Variants in AKT3 observed in about 807,000 individuals in gnomAD.
AKT3 encodes the protein AKT serine/threonine kinase 3.
A neutral mutation model predicts 65.3 loss-of-function variants in AKT3; 15 were observed. The observed-to-expected ratio is 0.23, with a 90% CI of 0.15 to 0.35. The LOEUF (loss-of-function observed/expected upper bound fraction) is 0.35. Ranked by LOEUF, AKT3 falls within the 10% of genes least tolerant of loss-of-function variation. The pLI, the probability that AKT3 is intolerant of heterozygous loss-of-function variation, is 1.00. For missense variants in AKT3, 243 were observed against 576.5 expected, an observed-to-expected ratio of 0.42 and a Z score of 5.92; for synonymous variants, 206 against 183.8, an observed-to-expected ratio of 1.12 and a Z score of -0.98.
chr1:243,551,962 C>G (rs944583325), intron 11 of AKT3, among the ~76,000 whole-genome samples: 4 of 152,070 alleles, frequency 2.6e-5, no homozygotes, highest in African/African-American at 9.7e-5. Flanking sequence ...ACTCTTTCAG[C>G]TATGCATAGA....
Position 243,655,378 on chromosome 1 carries a change from A to T in AKT3, c.285-9341T>A, listed in dbSNP as rs147643009. ...CCCTCTGTAGAATCAAACAATTTTA[A>T]CATACTTGAACATACTAATTAATGT... On this transcript the variant is annotated intron_variant, in intron 4 of 13. Coordinates refer to ENST00000673466, the MANE Select transcript of AKT3 (RefSeq NM_005465.7). Among the ~76,000 whole-genome samples the T allele has an allele frequency of 3.7e-4, 57 of 152,278 alleles. No homozygotes were observed. In the East Asian group the frequency reaches 6.9e-3, roughly 19 times the overall value.
intron 12 of AKT3, among the ~76,000 whole-genome samples, chr1:243,528,398 G>A (rs1671300647): frequency 6.6e-6 from 1 of 152,062 alleles, no homozygotes; most frequent in African/African-American, 2.4e-5. Context: ...GGGGGGGTTT[G>A]GTGTACATGT....
At chr1:243,728,346 G>A (rs909163379) in intron 2 of AKT3, among the ~76,000 whole-genome samples, 2 of 152,020 alleles carry the variant, frequency 1.3e-5, no homozygotes, top group Non-Finnish European at 2.9e-5. Flanking sequence ...CCAAGAAACC[G>A]CCAAAGTTCT....
downstream of AKT3, among the ~76,000 whole-genome samples, chr1:243,499,216 A>G (rs12132661): frequency 0.11 from 17,095 of 152,228 alleles, 1,300 homozygotes; most frequent in Non-Finnish European, 0.17. Flanking sequence ...AGTACACCCA[A>G]TCCCCTCTTC....
At chr1:243,699,512 T>TATATATAA (rs1253293936) in intron 2 of AKT3, among the ~76,000 whole-genome samples, 4 of 126,600 alleles carry the variant, frequency 3.2e-5, no homozygotes, top group African/African-American at 1.3e-4. Context: ...TATATATATA[T>TATATATAA]AATCTTCATG....
At chr1:243,544,024 C>G (rs547992536) in intron 12 of AKT3, among the ~76,000 whole-genome samples, 23 of 151,968 alleles carry the variant, frequency 1.5e-4, no homozygotes, top group Non-Finnish European at 2.4e-4. Flanking sequence ...GAACACTTGG[C>G]ACATAACAGA....
chr1:243,719,055 T>A (rs1182961336), intron 2 of AKT3, among the ~76,000 whole-genome samples: 5 of 152,264 alleles, frequency 3.3e-5, no homozygotes, highest in African/African-American at 1.2e-4. Context: ...TGAATCTAAC[T>A]CCCAGCAAAC....
intron 2 of AKT3, among the ~76,000 whole-genome samples, chr1:243,732,403 A>G (rs1204525401): frequency 6.6e-6 from 1 of 152,232 alleles, no homozygotes; most frequent in Non-Finnish European, 1.5e-5. Context: ...ATGGTGGCTG[A>G]CTGGACGTTT....
chr1:243,652,239 G>A (rs1681402356), intron 4 of AKT3, among the ~76,000 whole-genome samples: 2 of 151,846 alleles, frequency 1.3e-5, no homozygotes, highest in Admixed American at 1.3e-4. Context: ...TGGTAGAGTT[G>A]GGGTTTTGCC....
chr1:243,711,493 AG>A (rs1686156218), intron 2 of AKT3, among the ~76,000 whole-genome samples: 8 of 152,196 alleles, frequency 5.3e-5, no homozygotes, highest in Admixed American at 5.2e-4. Context: ...AATAAACATA[AG>A]GTTCCAAGAA....
chr1:243,578,293 A>C (rs1411483331), intron 8 of AKT3, among the ~76,000 whole-genome samples: 1 of 152,230 alleles, frequency 6.6e-6, no homozygotes, highest in Non-Finnish European at 1.5e-5. Flanking sequence ...CCAAGTGCCC[A>C]TCAATGATAG....
chr1:243,688,214 A>C (rs1423468929), intron 3 of AKT3, among the ~76,000 whole-genome samples: 1 of 152,190 alleles, frequency 6.6e-6, no homozygotes, highest in Non-Finnish European at 1.5e-5. Context: ...TCTAAAAATC[A>C]TTAAAAACAA....
intron 8 of AKT3, among the ~76,000 whole-genome samples, chr1:243,604,600 C>G (rs555025440): frequency 9.9e-5 from 15 of 152,258 alleles, no homozygotes; most frequent in African/African-American, 3.6e-4. Flanking sequence ...AGCCTAGCAA[C>G]CACTTTTTAA....
chr1:243,671,269 G>A (rs762258339), intron 3 of AKT3, among the ~76,000 whole-genome samples: 4 of 151,842 alleles, frequency 2.6e-5, no homozygotes, highest in African/African-American at 4.8e-5. Flanking sequence ...TAGTAGAGAC[G>A]GGGTTTCACT....
At position 243,501,772 on chromosome 1, in the gene AKT3, G is replaced by A. The variant is rs1317712531; in HGVS notation, c.*3477C>T. 1 of 232,786 alleles carries A rather than the reference G, an allele frequency of 4.3e-6. No homozygotes were observed. The allele number at this position is 232,786 out of a possible 1,614,324, so 14.4% of individuals were successfully genotyped here. A position where few individuals can be genotyped will look rare whatever the true frequency, so the allele number is the denominator to read the frequency against. On this transcript the variant is annotated 3_prime_UTR_variant, in exon 14 of 14. Coordinates refer to ENST00000673466, the MANE Select transcript of AKT3 (RefSeq NM_005465.7). ...ACAATAAACAGAGAAGTAGCAGATTGACATAGTGCTTTATTTAAGCTGTCT... is the reference window on the plus strand; with the variant it reads ...ACAATAAACAGAGAAGTAGCAGATTAACATAGTGCTTTATTTAAGCTGTCT...
rs568415808 is a variant in AKT3 at position 243,500,422 on chromosome 1, A to G, written c.*4827T>C. 6.6e-5 allele frequency: 15 copies of G among 226,098 alleles called. No homozygotes were observed. The East Asian group carries it at 9.0e-4, about 14-fold the overall frequency. 14.0% of individuals were successfully genotyped at this position (226,098 alleles called of 1,614,324 possible). ...GTGGTGTCAGATTTTTTTCTTCAAT[A>G]CGCAGTATTTGAGAGGAGCCTAAAA... On this transcript the variant is annotated 3_prime_UTR_variant, in exon 14 of 14. Transcript: ENST00000673466.
At chr1:243,623,726 G>C (rs541164602) in intron 6 of AKT3, among the ~76,000 whole-genome samples, 1 of 152,274 alleles carries the variant, frequency 6.6e-6, no homozygotes, top group East Asian at 1.9e-4. Context: ...CAGGGAACTT[G>C]GACGGAGATA....
chr1:243,778,284 T>TAA (rs1271608388), intron 2 of AKT3, among the ~76,000 whole-genome samples: 1 of 152,192 alleles, frequency 6.6e-6, no homozygotes, highest in Admixed American at 6.5e-5. Context: ...ATAAAAAAGC[T>TAA]AATGATTACA....
intron 8 of AKT3, among the ~76,000 whole-genome samples, chr1:243,610,753 T>G (rs1572025858): frequency 6.6e-6 from 1 of 152,278 alleles, no homozygotes; most frequent in South Asian, 2.1e-4. Flanking sequence ...TCAGAGATAC[T>G]CGATCAATAG....
Sources: gnomAD v4.1 joint callset for allele counts (sites outside exome capture counted in the v4.1 genomes callset) on GRCh38, gnomAD v4.1.1 for gene constraint, MANE v1.5 for transcripts, NCBI Gene and HGNC (gene_info 2026-07-23, HGNC 2026-07-21) for gene names.